Variants in SYN2 observed in about 807,000 individuals in gnomAD.
The protein encoded by SYN2 is synapsin-2.
SYN2 carries 19 observed loss-of-function variants against 50.9 expected under a neutral mutation model. That is an observed-to-expected ratio of 0.37 (90% confidence interval 0.26 to 0.55). SYN2 has a LOEUF of 0.55. SYN2 is among the 20% of genes least tolerant of loss of function. The pLI is 0.81. For synonymous variants in SYN2, 255 were observed against 224.9 expected (o/e 1.13, Z -1.20); for missense variants, 587 against 576.4 (o/e 1.02, Z -0.19).
intron 10 of SYN2, among the ~76,000 whole-genome samples, chr3:12,176,429 G>A (rs565818458): frequency 6.6e-6 from 1 of 152,332 alleles, no homozygotes; most frequent in South Asian, 2.1e-4. Context: ...GGCTGAGGTG[G>A]GAACTGGTCT....
At chr3:12,076,442 C>T (rs528772399) in intron 1 of SYN2, among the ~76,000 whole-genome samples, 11 of 151,546 alleles carry the variant, frequency 7.3e-5, no homozygotes, top group Non-Finnish European at 1.2e-4. Flanking sequence ...ATGATCACCA[C>T]GGGAAGTGAG....
intron 3 of SYN2, among the ~76,000 whole-genome samples, chr3:12,144,010 G>A (rs1048179983): frequency 6.6e-6 from 1 of 152,176 alleles, no homozygotes; most frequent in Non-Finnish European, 1.5e-5. Context: ...GGTGGTGGGC[G>A]GATGGCTGCC....
chr3:12,110,179 C>A (rs915625077), intron 1 of SYN2, among the ~76,000 whole-genome samples: 5 of 152,108 alleles, frequency 3.3e-5, no homozygotes, highest in African/African-American at 1.2e-4. Context: ...CAGAGGGAGA[C>A]CCTGTCTAAA....
At chr3:12,184,675 C>A in intron 11 of SYN2, 18 of 985,944 alleles carry the variant, frequency 1.8e-5, no homozygotes, top group Non-Finnish European at 2.2e-5. Flanking sequence ...AGAGGCTCCA[C>A]AGCGGTGGCT....
chr3:12,004,572 C>A lies in SYN2; in HGVS notation c.21C>A (p.Arg7=). Residue 7 remains arginine (R), a synonymous_variant, in exon 1 of 13, where the codon CGC becomes CGA. Transcript: ENST00000621198. MMNFLR[R]RLSDSSFIAN... is the part of the protein sequence containing the mutation. ...GCCAGATGATGAACTTCCTGCGGCGCCGGCTGTCGGACAGCAGCTTCATCG... is the reference window on the plus strand; with the variant it reads ...GCCAGATGATGAACTTCCTGCGGCGACGGCTGTCGGACAGCAGCTTCATCG... 1 of 672,522 alleles carries A rather than the reference C, an allele frequency of 1.5e-6. No individual in the cohort carries two copies. The highest frequency in any genetic ancestry group is 2.8e-6 in the Non-Finnish European group (1 of 361,620). The allele number at this position is 672,522 out of a possible 1,614,324, so 41.7% of individuals were successfully genotyped here.
chr3:12,044,207 A>C (rs4684096), intron 1 of SYN2, among the ~76,000 whole-genome samples: 13,043 of 144,812 alleles, frequency 0.09, 1,759 homozygotes, highest in African/African-American at 0.29. Context: ...ACACACACAC[A>C]CACACACACA....
chr3:12,184,443 A>G (rs1432638849), intron 11 of SYN2: 5 of 985,890 alleles, frequency 5.1e-6, no homozygotes, highest in Non-Finnish European at 6.0e-6. Flanking sequence ...TCTGTCAGGG[A>G]TTTGTCCATT....
At position 12,161,435 on chromosome 3, in the gene SYN2, A is replaced by G. The variant is rs369380976; in HGVS notation, c.775-111A>G. 18 of 1,177,022 alleles carry G rather than the reference A, an allele frequency of 1.5e-5. No homozygotes were observed. In the African/African-American group the frequency reaches 2.6e-4, roughly 17 times the overall value. The allele number at this position is 1,177,022 out of a possible 1,614,324, so 72.9% of individuals were successfully genotyped here. A position where few individuals can be genotyped will look rare whatever the true frequency, so the allele number is the denominator to read the frequency against. Reference sequence around the variant, plus strand: ...TTAATCTGTAAAGCAAGTAGATTGGACTAGTTCTTTAAAGAACCCTCCCAA... The same window carrying G: ...TTAATCTGTAAAGCAAGTAGATTGGGCTAGTTCTTTAAAGAACCCTCCCAA... On this transcript the variant is annotated intron_variant, in intron 5 of 12. Coordinates refer to ENST00000621198, the MANE Select transcript of SYN2 (RefSeq NM_133625.6).
intron 1 of SYN2, among the ~76,000 whole-genome samples, chr3:12,063,296 G>A (rs539573101): frequency 1.3e-5 from 2 of 152,182 alleles, no homozygotes; most frequent in African/African-American, 2.4e-5. Context: ...AATTACAAAT[G>A]TGTAAAATAA....
chr3:12,117,920 C>T (rs1383252659), intron 1 of SYN2, among the ~76,000 whole-genome samples: 1 of 152,156 alleles, frequency 6.6e-6, no homozygotes, highest in Non-Finnish European at 1.5e-5. Flanking sequence ...TTCCTACTAC[C>T]TGGAGGGTGT....
chr3:12,116,737 G>A (rs1166756205), intron 1 of SYN2, among the ~76,000 whole-genome samples: 1 of 151,990 alleles, frequency 6.6e-6, no homozygotes, highest in East Asian at 1.9e-4. Context: ...AAAATCTAGG[G>A]CATACTTTAT....
chr3:12,071,041 A>T, intron 1 of SYN2: 1 of 560,586 alleles, frequency 1.8e-6, no homozygotes, highest in Non-Finnish European at 3.6e-6. Flanking sequence ...CTTCCTGGGC[A>T]TGGAATCTTG....
intron 1 of SYN2, among the ~76,000 whole-genome samples, chr3:12,103,494 G>C (rs1464467955): frequency 6.6e-6 from 1 of 152,178 alleles, no homozygotes; most frequent in African/African-American, 2.4e-5. Flanking sequence ...CCAAAGCCTT[G>C]CATCTCAGTA....
chr3:12,033,605 C>T (rs1014682276), intron 1 of SYN2, among the ~76,000 whole-genome samples: 2 of 152,180 alleles, frequency 1.3e-5, no homozygotes, highest in Non-Finnish European at 2.9e-5. Context: ...TATATAACCA[C>T]CACCACTTAT....
At chr3:12,034,652 C>T (rs1694455815) in intron 1 of SYN2, among the ~76,000 whole-genome samples, 1 of 152,092 alleles carries the variant, frequency 6.6e-6, no homozygotes. Flanking sequence ...GTTAGAGGGC[C>T]AAACTTATCC....
chr3:12,187,535 C>A lies in SYN2; in HGVS notation c.1536C>A (p.Ser512=). The A allele has an allele frequency of 6.4e-7, 1 of 1,552,486 alleles. No homozygotes were observed. The highest frequency in any genetic ancestry group is 1.4e-5 in the African/African-American group (1 of 73,194). The change falls in exon 12 of 13, where the codon TCC becomes TCA. Residue 512 remains serine (S), a synonymous_variant. Transcript: ENST00000621198. ...CCACCACCCACGGAGATGCACCCTC[C>A]AGCAGCAGCTCCCTGGCAGAGGCCC... The part of the protein sequence containing the change: ...GGPTTHGDAP[S]SSSSLAEAQP...
intron 1 of SYN2, among the ~76,000 whole-genome samples, chr3:12,089,579 GC>G (rs1297204816): frequency 6.6e-6 from 1 of 152,226 alleles, no homozygotes; most frequent in Non-Finnish European, 1.5e-5. Context: ...GGAAGCCAAG[GC>G]AGGGGGATTA....
intron 4 of SYN2, among the ~76,000 whole-genome samples, chr3:12,149,157 G>A (rs1697221128): frequency 6.6e-6 from 1 of 152,184 alleles, no homozygotes; most frequent in African/African-American, 2.4e-5. Context: ...GGCTGTCCTG[G>A]CATCTGTGTG....
chr3:12,100,928 G>A (rs1411158511), intron 1 of SYN2, among the ~76,000 whole-genome samples: 1 of 152,046 alleles, frequency 6.6e-6, no homozygotes, highest in Non-Finnish European at 1.5e-5. Context: ...ACCACTACGA[G>A]ATACTATTTC....
Sources: allele counts gnomAD v4.1 joint callset (sites outside exome capture counted in the v4.1 genomes callset), GRCh38; gene constraint gnomAD v4.1.1; transcripts MANE v1.5; gene names NCBI Gene and HGNC (gene_info 2026-07-23, HGNC 2026-07-21).